Variants in THSD7B observed in about 807,000 individuals in gnomAD.
THSD7B encodes thrombospondin type 1 domain containing 7B.
Under a neutral mutation model 213.6 loss-of-function variants are expected in THSD7B, and 138 were observed. The observed-to-expected ratio is 0.65, with a 90% CI of 0.56 to 0.74. The LOEUF (loss-of-function observed/expected upper bound fraction) is 0.74. Among genes scored for constraint, THSD7B ranks in the 30% least tolerant of loss-of-function variants. The pLI is 0.00. For missense variants in THSD7B, 1,931 were observed against 1,991.5 expected (o/e 0.97, Z 0.58); for synonymous variants, 742 against 687.0 (o/e 1.08, Z -1.25).
At chr2:137,014,090 A>G (rs1302780082) in intron 2 of THSD7B, among the ~76,000 whole-genome samples, 2 of 152,046 alleles carry the variant, frequency 1.3e-5, no homozygotes, top group African/African-American at 2.4e-5. Context: ...CCCATCCTTA[A>G]TGTCATCCTC....
At chr2:137,451,052 G>T (rs763940982) in intron 15 of THSD7B, 29 bp downstream of exon 15, 1 of 1,502,050 alleles carries the variant, frequency 6.7e-7, no homozygotes, top group Non-Finnish European at 8.9e-7. Context: ...CAAATAAAAA[G>T]CTAAAAAAGC....
intron 2 of THSD7B, among the ~76,000 whole-genome samples, chr2:136,906,953 T>G (rs1558847300): frequency 7.6e-6 from 1 of 131,940 alleles, no homozygotes; most frequent in African/African-American, 2.9e-5. Context: ...TTTTTTTTTT[T>G]TTTTTTTTTT....
intron 7 of THSD7B, among the ~76,000 whole-genome samples, chr2:137,186,650 C>G (rs1163435470): frequency 6.6e-6 from 1 of 152,014 alleles, no homozygotes; most frequent in East Asian, 1.9e-4. Flanking sequence ...AACATGATTC[C>G]TCTGAATTTG....
At chr2:136,794,721 T>C (rs1682029494) in intron 1 of THSD7B, among the ~76,000 whole-genome samples, 1 of 152,016 alleles carries the variant, frequency 6.6e-6, no homozygotes, top group Non-Finnish European at 1.5e-5. Context: ...CTAATTGTGT[T>C]CTTCACATCT....
At chr2:136,983,008 C>T (rs1036746399) in intron 2 of THSD7B, among the ~76,000 whole-genome samples, 6 of 151,860 alleles carry the variant, frequency 4.0e-5, no homozygotes, top group South Asian at 2.1e-4. Flanking sequence ...GAGGCCCATG[C>T]GAGCTCAACA....
chr2:136,902,198 G>T (rs1401684736), intron 2 of THSD7B, among the ~76,000 whole-genome samples: 1 of 152,154 alleles, frequency 6.6e-6, no homozygotes, highest in Non-Finnish European at 1.5e-5. Context: ...CAGAGGGAAG[G>T]ATGCATGCAG....
rs543724601 is a variant in THSD7B, at chr2:137,525,472, T to A, written c.3139-37749T>A. Among the ~76,000 whole-genome samples the A allele has an allele frequency of 2.1e-3, 318 of 152,294 alleles. 1 individual carries two copies. The highest frequency in any genetic ancestry group is 7.5e-3 in the African/African-American group (311 of 41,572). ...CAAAAGCTAGTTACTTATACTTATTTATCCATTTCCCAGCCACTATAATTC... is the reference window on the plus strand; with the variant it reads ...CAAAAGCTAGTTACTTATACTTATTAATCCATTTCCCAGCCACTATAATTC... On this transcript the variant is annotated intron_variant, in intron 15 of 27. Coordinates refer to ENST00000409968, the MANE Select transcript of THSD7B (RefSeq NM_001316349.2).
In THSD7B at chr2:137,563,346, G is replaced by T. The variant is rs1213237704; in HGVS notation, c.3264G>T (p.Arg1088Ser). 1 of 1,612,858 alleles carries T rather than the reference G, an allele frequency of 6.2e-7. No homozygotes were observed. The change falls in exon 16 of 28, where the codon AGG becomes AGT. Residue 1088 changes from arginine (R) to serine (S), a missense_variant. Coordinates refer to ENST00000409968, the MANE Select transcript of THSD7B (RefSeq NM_001316349.2). ...SLRCGGGTQS[R>S]KIRCVNTADG... The stretch of plus-strand genomic sequence containing the variant: ...GCTGTGGAGGAGGAACACAATCTAG[G>T]AAAATCAGGTGTGTGAAAATGGAGA...
chr2:137,673,997 C>T (rs143959708), intron 27 of THSD7B, among the ~76,000 whole-genome samples: 208 of 152,270 alleles, frequency 1.4e-3, no homozygotes, highest in Non-Finnish European at 2.5e-3. Flanking sequence ...CCACAGTGTC[C>T]GTGATTCCAA....
At chr2:137,476,731 G>A (rs1688202375) in intron 15 of THSD7B, among the ~76,000 whole-genome samples, 1 of 152,034 alleles carries the variant, frequency 6.6e-6, no homozygotes, top group South Asian at 2.1e-4. Context: ...GTAGAGACGG[G>A]GTTTTACCAT....
intron 2 of THSD7B, among the ~76,000 whole-genome samples, chr2:137,020,466 TA>T (rs758652516): frequency 6.6e-6 from 1 of 152,154 alleles, no homozygotes; most frequent in Admixed American, 6.5e-5. Context: ...GCGGTTCATT[TA>T]AAAGGAACAT....
intron 17 of THSD7B, among the ~76,000 whole-genome samples, chr2:137,583,854 G>T (rs1030893793): frequency 6.6e-6 from 1 of 152,160 alleles, no homozygotes. Flanking sequence ...CTTTAAAGTA[G>T]TTTTTTCCAA....
intron 18 of THSD7B, among the ~76,000 whole-genome samples, chr2:137,617,259 A>G (rs375571384): frequency 2.6e-5 from 4 of 152,322 alleles, no homozygotes; most frequent in African/African-American, 9.6e-5. Context: ...CACTGATTTT[A>G]CTATACATGG....
intron 8 of THSD7B, 73 bp downstream of exon 8, chr2:137,231,308 A>C (rs1313426217): frequency 7.1e-7 from 1 of 1,413,378 alleles, no homozygotes; most frequent in African/African-American, 1.4e-5. Context: ...TTGGTGATAG[A>C]GAAGTTTATA....
chr2:137,111,788 G>GA (rs1276595994), intron 4 of THSD7B, among the ~76,000 whole-genome samples: 2 of 152,196 alleles, frequency 1.3e-5, no homozygotes, highest in African/African-American at 4.8e-5. Flanking sequence ...AGGGGCTATG[G>GA]AAACTGACAT....
intron 12 of THSD7B, among the ~76,000 whole-genome samples, chr2:137,402,310 A>G (rs72847165): frequency 5.3e-5 from 8 of 152,086 alleles, no homozygotes; most frequent in South Asian, 4.1e-4. Context: ...ACCCTACTCT[A>G]TAGCTATTCT....
intron 2 of THSD7B, among the ~76,000 whole-genome samples, chr2:137,055,960 A>G (rs1687154567): frequency 6.6e-6 from 1 of 152,188 alleles, no homozygotes; most frequent in African/African-American, 2.4e-5. Context: ...GAAAAATTCT[A>G]CTTTATTAAA....
chr2:137,118,015 A>T (rs1448670984), intron 5 of THSD7B, among the ~76,000 whole-genome samples: 1 of 152,134 alleles, frequency 6.6e-6, no homozygotes, highest in Non-Finnish European at 1.5e-5. Context: ...ACTGTTGTTC[A>T]TTGTTCATGT....
intron 7 of THSD7B, among the ~76,000 whole-genome samples, chr2:137,200,815 C>A (rs10200795): frequency 0.55 from 82,735 of 151,740 alleles, 22,823 homozygotes; most frequent in South Asian, 0.71. Flanking sequence ...GGGCTACAGG[C>A]ACATGCTGCA....
Sources: gnomAD v4.1 joint callset for allele counts (sites outside exome capture counted in the v4.1 genomes callset) on GRCh38, gnomAD v4.1.1 for gene constraint, MANE v1.5 for transcripts, NCBI Gene and HGNC (gene_info 2026-07-23, HGNC 2026-07-21) for gene names.